Variants in RALGAPA2 observed in about 807,000 individuals in gnomAD.
The protein encoded by RALGAPA2 is Ral GTPase activating protein catalytic subunit alpha 2.
RALGAPA2 carries 139 observed loss-of-function variants against 230.4 expected under a neutral mutation model. The observed-to-expected ratio is 0.60, with a 90% CI of 0.53 to 0.69. The LOEUF (loss-of-function observed/expected upper bound fraction) is 0.69. Ranked by LOEUF, RALGAPA2 falls within the 30% of genes least tolerant of loss-of-function variation. The pLI is 0.00. For missense variants in RALGAPA2, 2,163 were observed against 2,276.0 expected (o/e 0.95, Z 1.01); for synonymous variants, 847 against 837.8 (o/e 1.01, Z -0.19).
At chr20:20,475,292 G>A (rs2061626129) in intron 36 of RALGAPA2, among the ~76,000 whole-genome samples, 1 of 152,026 alleles carries the variant, frequency 6.6e-6, no homozygotes, top group South Asian at 2.1e-4. Context: ...ATATCTCTCA[G>A]CAATGATGCA....
intron 36 of RALGAPA2, among the ~76,000 whole-genome samples, chr20:20,483,956 G>A (rs770793103): frequency 9.9e-5 from 15 of 152,148 alleles, no homozygotes; most frequent in Non-Finnish European, 1.5e-4. Flanking sequence ...CACAAGGGTA[G>A]GGACGCTATC....
chr20:20,689,845 C>G (rs780938359), intron 1 of RALGAPA2, among the ~76,000 whole-genome samples: 1 of 152,182 alleles, frequency 6.6e-6, no homozygotes, highest in Non-Finnish European at 1.5e-5. Context: ...CAGCTCAGGG[C>G]AGAGGTTCCC....
In RALGAPA2 at chr20:20,398,192, G is replaced by A. The variant is rs567175205; in HGVS notation, c.5618-1458C>T. Among the ~76,000 whole-genome samples the A allele has an allele frequency of 6.6e-5, 10 of 152,322 alleles. No homozygotes were observed. The South Asian group carries it at 2.1e-3, about 32-fold the overall frequency. ...CACCATGCCACTGACACCCTCCAGT[G>A]TGAGCAAAGGGTCTCTTTATGAAGG... On this transcript the variant is annotated intron_variant, in intron 38 of 39. Transcript: ENST00000202677. This position sits in a 1 kb window ranked among gnomAD's most constrained non-coding sequence, Gnocchi z 4.5.
intron 18 of RALGAPA2, 63 bp downstream of exon 18, chr20:20,589,205 T>C: frequency 6.9e-7 from 1 of 1,456,816 alleles, no homozygotes; most frequent in Non-Finnish European, 9.1e-7. Flanking sequence ...ATAAATTTAC[T>C]TACTGAGCAC....
At chr20:20,616,012 T>A in intron 13 of RALGAPA2, 31 bp downstream of exon 13, 1 of 1,391,548 alleles carries the variant, frequency 7.2e-7, no homozygotes, top group Non-Finnish European at 9.5e-7. Flanking sequence ...ACATCTGTTT[T>A]ACAATACTAA....
chr20:20,563,433 T>C (rs1160738894), intron 23 of RALGAPA2, among the ~76,000 whole-genome samples: 6 of 152,220 alleles, frequency 3.9e-5, no homozygotes, highest in South Asian at 2.1e-4. Flanking sequence ...ACAATTTGCA[T>C]ACCAACTGCT....
chr20:20,449,328 A>C (rs1438243645), intron 37 of RALGAPA2, among the ~76,000 whole-genome samples: 1 of 152,218 alleles, frequency 6.6e-6, no homozygotes, highest in Non-Finnish European at 1.5e-5. Context: ...GGTTGAGGAA[A>C]GCTGTGTGAG....
intron 37 of RALGAPA2, among the ~76,000 whole-genome samples, chr20:20,449,645 CT>C (rs11476736): frequency 0.017 from 2,496 of 150,374 alleles, 29 homozygotes; most frequent in South Asian, 0.028. Flanking sequence ...AAGCCCTTAA[CT>C]TTTTTTTTTC....
At chr20:20,422,052 C>T (rs1475610700) in intron 37 of RALGAPA2, among the ~76,000 whole-genome samples, 2 of 152,138 alleles carry the variant, frequency 1.3e-5, no homozygotes, top group Non-Finnish European at 1.5e-5. Flanking sequence ...TATCGTGGGA[C>T]TTCATTAATA....
intron 37 of RALGAPA2, among the ~76,000 whole-genome samples, chr20:20,435,698 G>C (rs982851206): frequency 6.6e-6 from 1 of 152,156 alleles, no homozygotes; most frequent in African/African-American, 2.4e-5. Context: ...AAAGAAGGAG[G>C]CAGGCTGATG....
chr20:20,466,134 G>A (rs988353738), intron 37 of RALGAPA2, among the ~76,000 whole-genome samples: 1 of 152,348 alleles, frequency 6.6e-6, no homozygotes, highest in Middle Eastern at 3.4e-3. Flanking sequence ...GAGGGACTGT[G>A]GTGACCGTGA....
intron 35 of RALGAPA2, 32 bp from the exon 36 acceptor site, chr20:20,495,307 G>C (rs1466548636): frequency 1.4e-6 from 2 of 1,471,138 alleles, no homozygotes; most frequent in Non-Finnish European, 1.8e-6. Flanking sequence ...TTATTAATCA[G>C]GGTGATAACA....
intron 39 of RALGAPA2, among the ~76,000 whole-genome samples, 193 bp downstream of exon 39, chr20:20,396,502 G>C (rs775070183): frequency 6.6e-6 from 1 of 152,246 alleles, no homozygotes; most frequent in Non-Finnish European, 1.5e-5. Flanking sequence ...CAGAAGAAAG[G>C]CAAGGCTGGG....
intron 1 of RALGAPA2, among the ~76,000 whole-genome samples, chr20:20,708,361 A>G (rs1485698095): frequency 1.3e-5 from 2 of 152,162 alleles, no homozygotes; most frequent in African/African-American, 4.8e-5. Context: ...CCCCATCCAA[A>G]TCTCACCTGG....
At chr20:20,618,936 T>C (rs886329120) in intron 12 of RALGAPA2, among the ~76,000 whole-genome samples, 3 of 152,252 alleles carry the variant, frequency 2.0e-5, no homozygotes, top group African/African-American at 7.2e-5. Context: ...GTCTTGCAAA[T>C]TAGAGCCCAG....
intron 25 of RALGAPA2, 97 bp downstream of exon 25, chr20:20,536,559 G>A: frequency 2.2e-6 from 3 of 1,349,206 alleles, no homozygotes; most frequent in Non-Finnish European, 3.0e-6. Flanking sequence ...AAAACTTCAG[G>A]AATAAGCAGA....
chr20:20,634,931 C>T (rs1054849291), intron 9 of RALGAPA2, among the ~76,000 whole-genome samples: 1 of 152,166 alleles, frequency 6.6e-6, no homozygotes, highest in African/African-American at 2.4e-5. Context: ...CTTCTAGGGG[C>T]CCCACCATTG....
chr20:20,421,446 G>A (rs563882281), intron 37 of RALGAPA2, among the ~76,000 whole-genome samples: 4 of 152,246 alleles, frequency 2.6e-5, no homozygotes, highest in Admixed American at 1.3e-4. Context: ...TGAGGTGGGC[G>A]GATCACCTGA....
chr20:20,428,867 T>A (rs974566992), intron 37 of RALGAPA2, among the ~76,000 whole-genome samples: 1 of 151,486 alleles, frequency 6.6e-6, no homozygotes, highest in African/African-American at 2.4e-5. Flanking sequence ...GGAAAGTACT[T>A]CCTTGCATCT....
Sources: allele counts gnomAD v4.1 joint callset (sites outside exome capture counted in the v4.1 genomes callset), GRCh38; gene constraint gnomAD v4.1.1; non-coding constraint Gnocchi (gnomAD v3.1); transcripts MANE v1.5; gene names NCBI Gene and HGNC (gene_info 2026-07-23, HGNC 2026-07-21).